Variants in SP4 observed in about 807,000 individuals in gnomAD.
The protein encoded by SP4 is Sp4 transcription factor.
A neutral mutation model predicts 72.8 loss-of-function variants in SP4; 19 were observed. The ratio of observed to expected loss-of-function variants is 0.26; its 90% CI spans 0.18 to 0.38. The LOEUF (loss-of-function observed/expected upper bound fraction) is 0.38. Ranked by LOEUF, SP4 falls within the 10% of genes least tolerant of loss-of-function variation. SP4 has a pLI of 1.00. For synonymous variants in SP4, 395 were observed against 333.1 expected, an observed-to-expected ratio of 1.19 and a Z score of -2.02; for missense variants, 1,008 against 926.3, an observed-to-expected ratio of 1.09 and a Z score of -1.14.
At chr7:21,492,701 A>G (rs775265243) in intron 5 of SP4, among the ~76,000 whole-genome samples, 7 of 152,248 alleles carry the variant, frequency 4.6e-5, no homozygotes, top group Non-Finnish European at 8.8e-5. Flanking sequence ...TGCAAGTGGT[A>G]TAAATTATAC....
chr7:21,496,790 G>A (rs1034101583), intron 5 of SP4, among the ~76,000 whole-genome samples: 2 of 152,050 alleles, frequency 1.3e-5, no homozygotes, highest in Non-Finnish European at 2.9e-5. Flanking sequence ...CTGTGTGCAT[G>A]TTGCAGCTTG....
intron 3 of SP4, among the ~76,000 whole-genome samples, chr7:21,440,114 A>G (rs1392532054): frequency 6.6e-6 from 1 of 152,232 alleles, no homozygotes; most frequent in Non-Finnish European, 1.5e-5. Context: ...TTCGTAGAGC[A>G]CAACACTAAG....
At chr7:21,436,863 T>TA (rs776640425) in intron 3 of SP4, among the ~76,000 whole-genome samples, 2 of 152,224 alleles carry the variant, frequency 1.3e-5, no homozygotes, top group African/African-American at 4.8e-5. Context: ...CCCACCTTCT[T>TA]TCCTTAGCCC....
At chr7:21,495,522 T>C (rs1455142996) in intron 5 of SP4, among the ~76,000 whole-genome samples, 1 of 151,434 alleles carries the variant, frequency 6.6e-6, no homozygotes, top group Non-Finnish European at 1.5e-5. Flanking sequence ...AAATGGAAAA[T>C]AAAACCATAA....
At chr7:21,442,481 T>C (rs1783292555) in intron 3 of SP4, among the ~76,000 whole-genome samples, 1 of 152,262 alleles carries the variant, frequency 6.6e-6, no homozygotes, top group Non-Finnish European at 1.5e-5. Context: ...TATCTATATA[T>C]GTCATACATA....
intron 5 of SP4, among the ~76,000 whole-genome samples, chr7:21,487,561 GGTTTT>G (rs1784854035): frequency 6.6e-6 from 1 of 151,722 alleles, no homozygotes; most frequent in Admixed American, 6.6e-5. Context: ...ATTGTTGGTG[GGTTTT>G]GTTTTGTTTT....
In SP4 at chr7:21,477,195, A is replaced by C. The variant is rs1220043703; in HGVS notation, c.1795A>C (p.Thr599Pro). The C allele has an allele frequency of 6.2e-7, 1 of 1,614,176 alleles. No homozygotes were observed. The highest frequency in any genetic ancestry group is 8.5e-7 in the Non-Finnish European group (1 of 1,179,972). ...AGGTGCTGTTAGTCCTGACCAACTC[A>C]CACAAGTGCATTTGCAGCAAGGCCA... ...TIGAVSPDQL[T>P]QVHLQQGQQT... Residue 599 changes from threonine (T) to proline (P), a missense_variant, in exon 4 of 6, where the codon ACA (threonine) becomes CCA (proline). Transcript: ENST00000222584.
In SP4 at chr7:21,428,188, G is replaced by GCCCCCCCC; in HGVS notation, c.-59_-58insCCCCCCCC. The GCCCCCCCC allele has an allele frequency of 2.4e-5, 9 of 371,882 alleles. No homozygotes were observed. The highest frequency in any genetic ancestry group is 4.4e-5 in the Admixed American group (1 of 22,940). The allele number at this position is 371,882 out of a possible 1,614,324, so 23.0% of individuals were successfully genotyped here. On this transcript the variant is annotated 5_prime_UTR_variant, in exon 1 of 6. Transcript: ENST00000222584. ...CGGGACCGGCCTCTCCTCCCGCCTCGCCCCCACCCCCACCCACCTCTATCC... is the reference window on the plus strand; with the variant it reads ...CGGGACCGGCCTCTCCTCCCGCCTCGCCCCCCCCCCCCCACCCCCACCCACCTCTATCC...
intron 3 of SP4, among the ~76,000 whole-genome samples, chr7:21,459,951 G>A (rs996384636): frequency 3.3e-5 from 5 of 152,184 alleles, no homozygotes; most frequent in African/African-American, 1.2e-4. Flanking sequence ...ATGCATAGAA[G>A]TAATACAAGT....
rs753571311 is a variant in SP4 at position 21,477,277 on chromosome 7, C to G, written c.1877C>G (p.Ser626Cys). Residue 626 changes from serine to cysteine, a missense_variant, in exon 4 of 6, where the codon TCC becomes TGC. Coordinates refer to ENST00000222584, the MANE Select transcript of SP4 (RefSeq NM_003112.5). ...AAGAGGCTTCGAAGAGTTGCCTGTT[C>G]CTGTCCTAATTGTAGGGAAGGAGAA... ...PGKRLRRVACSCPNCREGEGR... is the reference protein window; with the variant it reads ...PGKRLRRVACCCPNCREGEGR... 5 of 1,613,340 alleles carry G rather than the reference C, an allele frequency of 3.1e-6. No individual in the cohort carries two copies. Among genetic ancestry groups the G allele is most frequent in the Non-Finnish European group, 4.2e-6 (5 of 1,179,398 alleles).
intron 3 of SP4, among the ~76,000 whole-genome samples, chr7:21,476,219 A>G (rs1454087309): frequency 2.8e-5 from 4 of 141,800 alleles, no homozygotes; most frequent in Admixed American, 1.5e-4. Context: ...GGTTGCAGTG[A>G]GCCGAGATCG....
chr7:21,498,768 A>G (rs1781788263), intron 5 of SP4, among the ~76,000 whole-genome samples: 1 of 152,226 alleles, frequency 6.6e-6, no homozygotes, highest in Admixed American at 6.5e-5. Flanking sequence ...ATAATAAACC[A>G]GATTCTTAAA....
intron 3 of SP4, among the ~76,000 whole-genome samples, chr7:21,448,056 T>C (rs2128397304): frequency 6.6e-6 from 1 of 152,322 alleles, no homozygotes; most frequent in South Asian, 2.1e-4. Flanking sequence ...TGACCCCCCG[T>C]GAAGAATTTT....
chr7:21,507,016 G>T (rs575519061), intron 5 of SP4, among the ~76,000 whole-genome samples: 1 of 152,054 alleles, frequency 6.6e-6, no homozygotes, highest in Non-Finnish European at 1.5e-5. Context: ...GCCTGGGAGG[G>T]TGTTGCCTCT....
At chr7:21,479,204 G>C (rs751464026) in intron 4 of SP4, among the ~76,000 whole-genome samples, 7 of 150,398 alleles carry the variant, frequency 4.7e-5, no homozygotes, top group Non-Finnish European at 1.0e-4. Context: ...TATTGCTTCT[G>C]CTTTTGGTAT....
At chr7:21,461,283 G>A (rs994769499) in intron 3 of SP4, among the ~76,000 whole-genome samples, 1 of 152,102 alleles carries the variant, frequency 6.6e-6, no homozygotes, top group African/African-American at 2.4e-5. Context: ...CCGTGCAGGA[G>A]CCCACGGGGG....
At chr7:21,477,511 A>G (rs1028064440) in intron 4 of SP4, among the ~76,000 whole-genome samples, 2 of 152,140 alleles carry the variant, frequency 1.3e-5, no homozygotes, top group Non-Finnish European at 2.9e-5. Flanking sequence ...TTACACTTTT[A>G]AAAAATATTT....
At position 21,428,754 on chromosome 7, in the gene SP4, G is replaced by C; in HGVS notation, c.85G>C (p.Glu29Gln). The change falls in exon 2 of 6, where the codon GAG (glutamate) becomes CAG (glutamine). Residue 29 changes from glutamate (E) to glutamine (Q), a missense_variant. By Grantham distance (29) the Glu-to-Gln change is conservative. Around this residue, in one of 3 missense-constraint regions of SP4, gnomAD observed 893 missense variants for 743.3 expected, o/e 1.20. Coordinates refer to ENST00000222584, the MANE Select transcript of SP4 (RefSeq NM_003112.5). ...AGAAGGAGGGAAAACCTCTGAGCCAGAGAATAACAATAAAAAACCCAAAAC... is the reference window on the plus strand; with the variant it reads ...AGAAGGAGGGAAAACCTCTGAGCCACAGAATAACAATAAAAAACCCAAAAC... ...ATEGGKTSEP[E>Q]NNNKKPKTSG... 1 of 1,552,514 alleles carries C rather than the reference G, an allele frequency of 6.4e-7. No homozygotes were observed. Among genetic ancestry groups the C allele is most frequent in the Non-Finnish European group, 8.7e-7 (1 of 1,147,618 alleles).
At chr7:21,463,508 C>G (rs890343072) in intron 3 of SP4, among the ~76,000 whole-genome samples, 2 of 152,154 alleles carry the variant, frequency 1.3e-5, no homozygotes, top group African/African-American at 4.8e-5. Flanking sequence ...CAGCGAGACA[C>G]AAGGGATTAC....
Sources: gnomAD v4.1 joint callset for allele counts (sites outside exome capture counted in the v4.1 genomes callset) on GRCh38, gnomAD v4.1.1 for gene constraint, gnomAD v4.1.1 regional missense constraint, MANE v1.5 for transcripts, NCBI Gene and HGNC (gene_info 2026-07-23, HGNC 2026-07-21) for gene names.